PLXDC2: variants seen among roughly 807,000 people sequenced by gnomAD.
The protein encoded by PLXDC2 is plexin domain-containing protein 2.
Under a neutral mutation model 68.9 loss-of-function variants are expected in PLXDC2, and 40 were observed. The ratio of observed to expected loss-of-function variants is 0.58; its 90% CI spans 0.45 to 0.76. PLXDC2 has a LOEUF of 0.76. PLXDC2 is among the 30% of genes least tolerant of loss of function. The pLI, the probability that PLXDC2 is intolerant of heterozygous loss-of-function variation, is 0.00. For missense variants in PLXDC2, 644 were observed against 661.9 expected (o/e 0.97, Z 0.30); for synonymous variants, 243 against 234.2 (o/e 1.04, Z -0.34).
rs567310024 is a variant in PLXDC2 at position 20,249,418 on chromosome 10, G to T, written c.1473+3913G>T. Among the ~76,000 whole-genome samples, 9 of 152,278 alleles carry T rather than the reference G, an allele frequency of 5.9e-5. No homozygotes were observed. In the East Asian group the frequency reaches 1.7e-3, roughly 29 times the overall value. On this transcript the variant is annotated intron_variant, in intron 13 of 13. Transcript: ENST00000377252. ...TGGAAGTCAGAAGTGCTAAAATCAGGATATGGACAGGGCTGGTTCCTTCGG... is the reference window on the plus strand; with the variant it reads ...TGGAAGTCAGAAGTGCTAAAATCAGTATATGGACAGGGCTGGTTCCTTCGG...
intron 1 of PLXDC2, among the ~76,000 whole-genome samples, chr10:19,861,036 T>C (rs1237291434): frequency 1.3e-5 from 2 of 151,520 alleles, no homozygotes; most frequent in African/African-American, 4.8e-5. Flanking sequence ...TTTTACTTTC[T>C]GTCTTTTCTT....
intron 4 of PLXDC2, among the ~76,000 whole-genome samples, chr10:20,087,195 G>A (rs1435303392): frequency 6.6e-6 from 1 of 152,134 alleles, no homozygotes; most frequent in Non-Finnish European, 1.5e-5. Context: ...GCAAGGCTAG[G>A]CAGGTCTACA....
chr10:20,149,005 A>G (rs1834115046), intron 6 of PLXDC2, among the ~76,000 whole-genome samples: 2 of 152,170 alleles, frequency 1.3e-5, no homozygotes, highest in East Asian at 1.9e-4. Flanking sequence ...CTTGGGGGCA[A>G]TTGTGTAAAC....
At chr10:19,860,750 A>T (rs1297952202) in intron 1 of PLXDC2, among the ~76,000 whole-genome samples, 1 of 152,204 alleles carries the variant, frequency 6.6e-6, no homozygotes, top group East Asian at 1.9e-4. Flanking sequence ...CCATCTGTAC[A>T]ACTCTCAACT....
At chr10:19,866,064 T>C (rs1837409834) in intron 1 of PLXDC2, among the ~76,000 whole-genome samples, 1 of 152,202 alleles carries the variant, frequency 6.6e-6, no homozygotes, top group South Asian at 2.1e-4. Context: ...AAAAAAATTA[T>C]CTTGTAGGTA....
In PLXDC2 at chr10:20,279,812, A is replaced by T; in HGVS notation, c.1583A>T (p.Gln528Leu). 1 of 1,613,814 alleles carries T rather than the reference A, an allele frequency of 6.2e-7. No individual in the cohort carries two copies. Among genetic ancestry groups the T allele is most frequent in the Non-Finnish European group, 8.5e-7 (1 of 1,179,750 alleles). Residue 528 changes from glutamine (Q) to leucine (L), a missense_variant, in exon 14 of 14, where the codon CAG (glutamine) becomes CTG (leucine). Gln to Leu is a moderately radical substitution (Grantham distance 113). This residue lies in a region of PLXDC2 where 330 missense variants were observed against 327.9 expected (regional missense o/e 1.01). Transcript: ENST00000377252. ...GEKEGFIVSE[Q>L]C The stretch of plus-strand genomic sequence containing the variant: ...AAAGAAGGCTTTATTGTATCAGAGC[A>T]GTGCTAAAATTTCTAGGACAGAACA...
At chr10:20,194,006 A>G (rs974028605) in intron 9 of PLXDC2, among the ~76,000 whole-genome samples, 7 of 151,994 alleles carry the variant, frequency 4.6e-5, no homozygotes, top group Admixed American at 2.0e-4. Context: ...CTACTTAAGG[A>G]CCTGAGCTTG....
intron 1 of PLXDC2, among the ~76,000 whole-genome samples, chr10:19,839,071 A>C (rs1836854768): frequency 6.6e-6 from 1 of 152,140 alleles, no homozygotes; most frequent in South Asian, 2.1e-4. Context: ...CTGTAATGCC[A>C]GCTACTCAGG....
intron 1 of PLXDC2, among the ~76,000 whole-genome samples, chr10:19,942,927 A>C (rs2131399334): frequency 6.6e-6 from 1 of 152,350 alleles, no homozygotes; most frequent in Non-Finnish European, 1.5e-5. Context: ...AAAATCAAGC[A>C]GCTATTTGTA....
intron 1 of PLXDC2, among the ~76,000 whole-genome samples, chr10:19,992,554 T>C (rs1265597784): frequency 6.6e-6 from 1 of 152,178 alleles, no homozygotes; most frequent in Non-Finnish European, 1.5e-5. Flanking sequence ...GAGATTATCA[T>C]TATCACAGTA....
At chr10:20,254,111 C>T (rs74119589) in intron 13 of PLXDC2, among the ~76,000 whole-genome samples, 35,393 of 152,040 alleles carry the variant, frequency 0.23, 4,159 homozygotes, top group African/African-American at 0.26. Flanking sequence ...AGAAGCTACA[C>T]AGCATCATAG....
intron 6 of PLXDC2, among the ~76,000 whole-genome samples, chr10:20,154,106 ATT>A (rs1043138436): frequency 3.9e-5 from 6 of 152,082 alleles, no homozygotes; most frequent in African/African-American, 1.4e-4. Context: ...TCAAACTCTC[ATT>A]TTCCTATTCT....
chr10:20,205,719 A>G (rs1342290784), intron 9 of PLXDC2, among the ~76,000 whole-genome samples: 2 of 152,266 alleles, frequency 1.3e-5, no homozygotes, highest in East Asian at 3.9e-4. Flanking sequence ...ATAATTAGGT[A>G]TTAAACAAGC....
intron 7 of PLXDC2, among the ~76,000 whole-genome samples, chr10:20,172,951 A>G (rs954208839): frequency 1.3e-5 from 2 of 152,186 alleles, no homozygotes; most frequent in Admixed American, 1.3e-4. Flanking sequence ...ACAGAGAGAG[A>G]TTTTAAAAAT....
chr10:20,045,077 T>A (rs1414883511), intron 2 of PLXDC2, among the ~76,000 whole-genome samples: 1 of 152,194 alleles, frequency 6.6e-6, no homozygotes, highest in Non-Finnish European at 1.5e-5. Flanking sequence ...TTTCTTTACA[T>A]CTACTTTGTT....
chr10:19,934,329 T>G (rs1388774797), intron 1 of PLXDC2, among the ~76,000 whole-genome samples: 1 of 152,218 alleles, frequency 6.6e-6, no homozygotes, highest in East Asian at 1.9e-4. Flanking sequence ...CTTTGAGGAT[T>G]TCTCAGGTCC....
chr10:19,939,852 A>C (rs1833787930), intron 1 of PLXDC2, among the ~76,000 whole-genome samples: 1 of 149,710 alleles, frequency 6.7e-6, no homozygotes, highest in Non-Finnish European at 1.5e-5. Flanking sequence ...AACAGAAAAT[A>C]GGGATGTTTT....
Position 20,152,431 on chromosome 10 carries a change from G to T in PLXDC2, c.783+4529G>T, listed in dbSNP as rs141721953. On this transcript the variant is annotated intron_variant, in intron 6 of 13. Transcript: ENST00000377252. ...TATAGCTCTGTGTTGTTCAACCAAA[G>T]ATTTGAAATTCTGTTTTAAATTATG... is the stretch of plus-strand genomic sequence containing the variant. Among the ~76,000 whole-genome samples the T allele has an allele frequency of 1.6e-4, 25 of 152,182 alleles. No individual in the cohort carries two copies. In the East Asian group the frequency reaches 3.7e-3, roughly 22 times the overall value.
In PLXDC2 at chr10:20,061,391, G is replaced by A. The variant is rs541195595; in HGVS notation, c.472-6779G>A. ...GTCTACTCTTGCTTTATGATTAAATGTAGGTCTCTGTTTTTGGCAATACTA... is the reference window on the plus strand; with the variant it reads ...GTCTACTCTTGCTTTATGATTAAATATAGGTCTCTGTTTTTGGCAATACTA... On this transcript the variant is annotated intron_variant, in intron 3 of 13. Coordinates refer to ENST00000377252, the MANE Select transcript of PLXDC2 (RefSeq NM_032812.9). Among the ~76,000 whole-genome samples, 25 of 152,180 alleles carry A rather than the reference G, an allele frequency of 1.6e-4. No homozygotes were observed. In the South Asian group the frequency reaches 5.0e-3, roughly 30 times the overall value.
Sources: gnomAD v4.1 joint callset for allele counts (sites outside exome capture counted in the v4.1 genomes callset) on GRCh38, gnomAD v4.1.1 for gene constraint, gnomAD v4.1.1 regional missense constraint, MANE v1.5 for transcripts, NCBI Gene and HGNC (gene_info 2026-07-23, HGNC 2026-07-21) for gene names.